The following MACROD2 variants were observed in gnomAD, a reference collection of about 807,000 sequenced individuals.
MACROD2 encodes the protein ADP-ribose glycohydrolase MACROD2.
A neutral mutation model predicts 70.4 loss-of-function variants in MACROD2; 36 were observed. The observed-to-expected ratio is 0.51, with a 90% CI of 0.39 to 0.68. MACROD2 has a LOEUF of 0.68. Ranked by LOEUF, MACROD2 falls within the 30% of genes least tolerant of loss-of-function variation. MACROD2 has a pLI of 0.00. For missense variants in MACROD2, 496 were observed against 538.4 expected, an observed-to-expected ratio of 0.92 and a Z score of 0.78; for synonymous variants, 172 against 178.8, an observed-to-expected ratio of 0.96 and a Z score of 0.30.
At chr20:15,283,806 A>G (rs1460202987) in intron 6 of MACROD2, among the ~76,000 whole-genome samples, 1 of 152,186 alleles carries the variant, frequency 6.6e-6, no homozygotes, top group Non-Finnish European at 1.5e-5. Flanking sequence ...TTCTCTTCCA[A>G]CATTTTATCA....
At chr20:14,897,007 C>T (rs558139770) in intron 5 of MACROD2, among the ~76,000 whole-genome samples, 1 of 152,170 alleles carries the variant, frequency 6.6e-6, no homozygotes, top group African/African-American at 2.4e-5. Context: ...GATTTTATGG[C>T]CCAAAATGGA....
intron 12 of MACROD2, among the ~76,000 whole-genome samples, chr20:15,961,345 C>T (rs937225123): frequency 1.3e-5 from 2 of 152,096 alleles, no homozygotes; most frequent in African/African-American, 4.8e-5. Context: ...GACCCAAATG[C>T]TTGTCTCACT....
chr20:15,009,647 C>T (rs542803316), intron 5 of MACROD2, among the ~76,000 whole-genome samples: 9 of 152,178 alleles, frequency 5.9e-5, no homozygotes, highest in African/African-American at 2.2e-4. Flanking sequence ...CTACACTTTT[C>T]CCCCTGATTT....
chr20:14,599,414 C>A (rs1229536920), intron 4 of MACROD2, among the ~76,000 whole-genome samples: 1 of 152,070 alleles, frequency 6.6e-6, no homozygotes, highest in Non-Finnish European at 1.5e-5. Context: ...TTCTGAAAGA[C>A]ATCAGTGGAG....
intron 12 of MACROD2, among the ~76,000 whole-genome samples, chr20:15,966,568 C>T (rs548057204): frequency 6.6e-6 from 1 of 152,176 alleles, no homozygotes; most frequent in East Asian, 1.9e-4. Context: ...ATTACAAAAT[C>T]CTGCCTATAC....
At chr20:15,387,489 C>T (rs984416776) in intron 6 of MACROD2, among the ~76,000 whole-genome samples, 2 of 151,398 alleles carry the variant, frequency 1.3e-5, no homozygotes, top group African/African-American at 4.9e-5. Flanking sequence ...CTCTTTCTCC[C>T]CTTCTCCATT....
At chr20:14,091,963 T>A (rs2054156201) in intron 3 of MACROD2, among the ~76,000 whole-genome samples, 1 of 152,168 alleles carries the variant, frequency 6.6e-6, no homozygotes, top group South Asian at 2.1e-4. Flanking sequence ...TCCAAGAATG[T>A]GATTACTAGG....
At chr20:15,031,299 A>G (rs2075272381) in intron 5 of MACROD2, among the ~76,000 whole-genome samples, 1 of 152,214 alleles carries the variant, frequency 6.6e-6, no homozygotes, top group Admixed American at 6.5e-5. Flanking sequence ...AAAGGGCTGC[A>G]GCTCTTCTCT....
intron 4 of MACROD2, among the ~76,000 whole-genome samples, chr20:14,683,759 G>GT (rs2070964158): frequency 6.6e-6 from 1 of 152,212 alleles, no homozygotes; most frequent in Admixed American, 6.5e-5. Context: ...ATTACATGGT[G>GT]TTATGGACTG....
intron 3 of MACROD2, among the ~76,000 whole-genome samples, chr20:14,328,307 T>G (rs1314373055): frequency 6.6e-6 from 1 of 152,146 alleles, no homozygotes; most frequent in Non-Finnish European, 1.5e-5. Context: ...TTAAATTCTG[T>G]CTTTCTTCTG....
intron 3 of MACROD2, among the ~76,000 whole-genome samples, chr20:14,280,865 A>G (rs2082301092): frequency 6.6e-6 from 1 of 152,206 alleles, no homozygotes; most frequent in African/African-American, 2.4e-5. Context: ...TATAAAAGCT[A>G]AAAGTTATTG....
At chr20:14,497,331 T>G (rs1319680552) in intron 4 of MACROD2, among the ~76,000 whole-genome samples, 1 of 151,768 alleles carries the variant, frequency 6.6e-6, no homozygotes, top group Non-Finnish European at 1.5e-5. Flanking sequence ...TTCACCCATC[T>G]GTAATAAGAA....
Position 15,608,649 on chromosome 20 carries a change from C to G in MACROD2, c.645+108802C>G, listed in dbSNP as rs577226413. Among the ~76,000 whole-genome samples the G allele has an allele frequency of 2.0e-5, 3 of 152,286 alleles. No homozygotes were observed. In the South Asian group the frequency reaches 6.2e-4, roughly 32 times the overall value. On this transcript the variant is annotated intron_variant, in intron 8 of 17. Transcript: ENST00000684519. ...TACAGCCAGCTGATTCAACTCCTCCCTAATAGGCTACTTAATTAAAAAACC... is the reference window on the plus strand; with the variant it reads ...TACAGCCAGCTGATTCAACTCCTCCGTAATAGGCTACTTAATTAAAAAACC...
intron 6 of MACROD2, among the ~76,000 whole-genome samples, chr20:15,333,511 T>C (rs2078015850): frequency 6.6e-6 from 1 of 151,448 alleles, no homozygotes; most frequent in Admixed American, 6.6e-5. Context: ...TTGGAGAAGA[T>C]CAGCGCTGGA....
At chr20:14,084,463 A>G (rs983771665) in intron 2 of MACROD2, among the ~76,000 whole-genome samples, 4 of 152,236 alleles carry the variant, frequency 2.6e-5, no homozygotes, top group African/African-American at 4.8e-5. Context: ...ATTCAAAAAT[A>G]TAAATCAGCT....
chr20:14,949,866 TTTA>T (rs1320220323), intron 5 of MACROD2, among the ~76,000 whole-genome samples: 1 of 152,166 alleles, frequency 6.6e-6, no homozygotes, highest in African/African-American at 2.4e-5. Flanking sequence ...CTATTATATT[TTTA>T]TTATTATTTC....
intron 10 of MACROD2, 67 bp downstream of exon 10, chr20:15,885,878 A>G: frequency 2.1e-6 from 3 of 1,400,792 alleles, no homozygotes; most frequent in South Asian, 3.0e-5. Context: ...TGTACACTTC[A>G]TATTTTTTCA....
At chr20:15,337,082 A>G (rs1374919091) in intron 6 of MACROD2, among the ~76,000 whole-genome samples, 3 of 151,782 alleles carry the variant, frequency 2.0e-5, no homozygotes, top group Admixed American at 6.6e-5. Flanking sequence ...AACCAGTCCT[A>G]TCAATATTGT....
chr20:14,533,852 AT>A, intron 4 of MACROD2, among the ~76,000 whole-genome samples: 1 of 152,234 alleles, frequency 6.6e-6, no homozygotes, highest in East Asian at 1.9e-4. Flanking sequence ...TTGGACATTC[AT>A]TTTTTGGATA....
Sources: gnomAD v4.1 joint callset for allele counts (sites outside exome capture counted in the v4.1 genomes callset) on GRCh38, gnomAD v4.1.1 for gene constraint, MANE v1.5 for transcripts, NCBI Gene and HGNC (gene_info 2026-07-23, HGNC 2026-07-21) for gene names.